SRGAP3: variants seen among roughly 807,000 people sequenced by gnomAD.
SRGAP3 encodes the protein SLIT-ROBO Rho GTPase activating protein 3, also known as SLIT-ROBO Rho GTPase-activating protein 3.
Under a neutral mutation model 121.1 loss-of-function variants are expected in SRGAP3, and 39 were observed. The observed-to-expected ratio is 0.32, with a 90% CI of 0.25 to 0.42. The LOEUF (loss-of-function observed/expected upper bound fraction) is 0.42, where lower values mean the gene tolerates loss of function less well. Ranked by LOEUF, SRGAP3 falls within the 10% of genes least tolerant of loss-of-function variation. SRGAP3 has a pLI of 1.00. For synonymous variants in SRGAP3, 601 were observed against 570.0 expected, an observed-to-expected ratio of 1.05 and a Z score of -0.77; for missense variants, 1,213 against 1,470.6, an observed-to-expected ratio of 0.82 and a Z score of 2.86.
At chr3:9,044,286 C>G (rs930211172) in intron 10 of SRGAP3, among the ~76,000 whole-genome samples, 1 of 152,170 alleles carries the variant, frequency 6.6e-6, no homozygotes, top group Non-Finnish European at 1.5e-5. Flanking sequence ...GTGGATAGTA[C>G]CAAATCCTAC....
intron 1 of SRGAP3, chr3:9,350,208 C>T (rs193184666): frequency 3.0e-4 from 46 of 152,346 alleles, no homozygotes; most frequent in Admixed American, 1.7e-3. Context: ...TCAGTCAACA[C>T]ATATTCACTG....
At chr3:9,208,848 A>C (rs979404136) in intron 1 of SRGAP3, among the ~76,000 whole-genome samples, 12 of 152,230 alleles carry the variant, frequency 7.9e-5, no homozygotes, top group African/African-American at 2.2e-4. Flanking sequence ...TGGGGAAAGA[A>C]CTGCCTATCT....
chr3:9,053,291 T>G (rs1353663604), intron 8 of SRGAP3, 67 bp from the exon 9 acceptor site: 11 of 1,493,350 alleles, frequency 7.4e-6, no homozygotes, highest in Non-Finnish European at 9.2e-6. Flanking sequence ...CTAAAGTCCC[T>G]TTCCCAGCTG....
At chr3:9,071,098 A>G (rs1946687205) in intron 4 of SRGAP3, among the ~76,000 whole-genome samples, 1 of 152,138 alleles carries the variant, frequency 6.6e-6, no homozygotes, top group South Asian at 2.1e-4. Context: ...GGAGGCAAAC[A>G]GGACTGGGGA....
chr3:9,100,369 C>T (rs1052868409), intron 3 of SRGAP3, among the ~76,000 whole-genome samples: 2 of 152,156 alleles, frequency 1.3e-5, no homozygotes, highest in African/African-American at 4.8e-5. Flanking sequence ...CAACTCTTTG[C>T]CCCACTTTCC....
chr3:9,268,885 T>A (rs1954420339), intron 3 of SRGAP3, among the ~76,000 whole-genome samples: 1 of 152,190 alleles, frequency 6.6e-6, no homozygotes, highest in Non-Finnish European at 1.5e-5. Context: ...GAAGTTCTGA[T>A]ATAGGTGCCT....
intron 6 of SRGAP3, chr3:9,059,440 C>T (rs944400859): frequency 8.5e-5 from 13 of 152,334 alleles, no homozygotes; most frequent in African/African-American, 2.9e-4. Context: ...CCTCTGGAGC[C>T]ACGGGAAAAG....
chr3:9,293,065 C>T (rs1419674200), intron 3 of SRGAP3: 2 of 110,040 alleles, frequency 1.8e-5, no homozygotes, highest in Non-Finnish European at 4.3e-5. Flanking sequence ...AAAAACCCAC[C>T]CACTGCTGAT....
chr3:9,060,427 C>CATT, intron 5 of SRGAP3, 68 bp from the exon 6 acceptor site: 1 of 986,574 alleles, frequency 1.0e-6, no homozygotes, highest in African/African-American at 3.7e-5. Flanking sequence ...ATTTTCTATT[C>CATT]CTTTTTTTTT....
chr3:9,030,138 C>A (rs2125084216), intron 12 of SRGAP3, among the ~76,000 whole-genome samples: 1 of 151,686 alleles, frequency 6.6e-6, no homozygotes, highest in African/African-American at 2.4e-5. Context: ...GGCGACACAG[C>A]AAGACTGCCT....
chr3:9,023,069 C>T (rs571995033), intron 14 of SRGAP3, among the ~76,000 whole-genome samples: 14 of 151,686 alleles, frequency 9.2e-5, no homozygotes, highest in Non-Finnish European at 1.5e-4. Context: ...TGGGGTTGCC[C>T]GTGGCAACAA....
chr3:9,194,327 C>T (rs1951856260), intron 1 of SRGAP3: 1 of 151,540 alleles, frequency 6.6e-6, no homozygotes, highest in African/African-American at 2.4e-5. Context: ...TTCTGGGCCT[C>T]GATTTTTCTC....
At chr3:9,220,435 A>G (rs1560445562) in intron 1 of SRGAP3, among the ~76,000 whole-genome samples, 1 of 152,178 alleles carries the variant, frequency 6.6e-6, no homozygotes, top group African/African-American at 2.4e-5. Flanking sequence ...CCTCCTCTGC[A>G]GCTCCTGGGT....
chr3:9,243,354 G>A (rs1019239906), intron 1 of SRGAP3, among the ~76,000 whole-genome samples: 8 of 152,050 alleles, frequency 5.3e-5, no homozygotes, highest in Non-Finnish European at 1.5e-5. Flanking sequence ...GGGATTGGTC[G>A]CCAGGCATGG....
At chr3:9,221,052 G>C (rs1952795763) in intron 1 of SRGAP3, among the ~76,000 whole-genome samples, 1 of 152,166 alleles carries the variant, frequency 6.6e-6, no homozygotes, top group Non-Finnish European at 1.5e-5. Flanking sequence ...CCATGGCCAG[G>C]ACATGCATCT....
At chr3:9,084,255 C>G (rs1242955454) in intron 3 of SRGAP3, among the ~76,000 whole-genome samples, 2 of 152,160 alleles carry the variant, frequency 1.3e-5, no homozygotes, top group East Asian at 3.9e-4. Flanking sequence ...CCCAGGAATT[C>G]ATTCCTCCAG....
At chr3:9,344,039 C>T (rs2596927) in intron 1 of SRGAP3, among the ~76,000 whole-genome samples, 73,329 of 152,082 alleles carry the variant, frequency 0.48, 19,144 homozygotes, top group South Asian at 0.71. Context: ...ATGAAAATAG[C>T]GTGGGCACGG....
At chr3:9,321,587 G>A (rs1013075985) in intron 3 of SRGAP3, among the ~76,000 whole-genome samples, 8 of 151,834 alleles carry the variant, frequency 5.3e-5, no homozygotes, top group African/African-American at 1.9e-4. Flanking sequence ...TCATTTGTTG[G>A]TGCTGGTCTA....
At chr3:9,357,581 T>C (rs1449421368) in intron 1 of SRGAP3, among the ~76,000 whole-genome samples, 5 of 148,378 alleles carry the variant, frequency 3.4e-5, no homozygotes, top group African/African-American at 1.3e-4. Context: ...GTTACTCTTC[T>C]GGGGAGTATG....
Sources: allele counts gnomAD v4.1 joint callset (sites outside exome capture counted in the v4.1 genomes callset), GRCh38; gene constraint gnomAD v4.1.1; transcripts MANE v1.5; gene names NCBI Gene and HGNC (gene_info 2026-07-23, HGNC 2026-07-21).